The following ADARB2 variants were observed in gnomAD, a reference collection of about 807,000 sequenced individuals.
ADARB2 encodes inactive double-stranded RNA-specific editase B2.
ADARB2 carries 25 observed loss-of-function variants against 62.2 expected under a neutral mutation model. That is an observed-to-expected ratio of 0.40 (90% confidence interval 0.29 to 0.56). The LOEUF is 0.56. ADARB2 is among the 20% of genes least tolerant of loss of function. The probability of loss-of-function intolerance (pLI) is 0.43; values close to 1 mark genes in which losing one functional copy is unlikely to be tolerated. For synonymous variants in ADARB2, 572 were observed against 500.8 expected (o/e 1.14, Z -1.90); for missense variants, 1,071 against 1,077.4 (o/e 0.99, Z 0.08).
chr10:1,219,220 C>T (rs540411612), intron 6 of ADARB2, among the ~76,000 whole-genome samples: 71 of 152,254 alleles, frequency 4.7e-4, no homozygotes, highest in African/African-American at 1.4e-3. Flanking sequence ...GCCAATTAAA[C>T]CTCTTTTCTT....
At chr10:1,185,234 G>A (rs780928569) in intron 8 of ADARB2, among the ~76,000 whole-genome samples, 195 bp from the exon 9 acceptor site, 2 of 152,242 alleles carry the variant, frequency 1.3e-5, no homozygotes, top group Non-Finnish European at 2.9e-5. Context: ...TGGCCGCCTC[G>A]GGTCCACGGC....
At chr10:1,234,724 G>A (rs562235115) in intron 5 of ADARB2, among the ~76,000 whole-genome samples, 2 of 148,930 alleles carry the variant, frequency 1.3e-5, no homozygotes, top group African/African-American at 2.5e-5. Context: ...TTACAGGTGC[G>A]AGCGACCATG....
chr10:1,441,781 A>C (rs1379660855), intron 1 of ADARB2, among the ~76,000 whole-genome samples: 1 of 152,236 alleles, frequency 6.6e-6, no homozygotes, highest in Non-Finnish European at 1.5e-5. Context: ...GACATTGATA[A>C]TAGGATATTC....
chr10:1,408,292 A>G (rs768341135), intron 1 of ADARB2, among the ~76,000 whole-genome samples: 3 of 152,230 alleles, frequency 2.0e-5, no homozygotes, highest in Admixed American at 6.5e-5. Context: ...ATCCCACAGC[A>G]TGGTCGACCA....
chr10:1,439,942 C>A (rs1255962492), intron 1 of ADARB2, among the ~76,000 whole-genome samples: 2 of 150,356 alleles, frequency 1.3e-5, no homozygotes, highest in Admixed American at 6.6e-5. Flanking sequence ...CACTATGGGG[C>A]TCCTGAGTCT....
At chr10:1,631,753 C>G (rs773266460) in intron 1 of ADARB2, among the ~76,000 whole-genome samples, 2 of 151,918 alleles carry the variant, frequency 1.3e-5, no homozygotes, top group Non-Finnish European at 2.9e-5. Context: ...AAATGTGGCT[C>G]GGTTCACAGT....
chr10:1,284,319 G>A (rs1564246118), intron 3 of ADARB2, among the ~76,000 whole-genome samples: 1 of 152,138 alleles, frequency 6.6e-6, no homozygotes, highest in Non-Finnish European at 1.5e-5. Context: ...TCCAGGGCCT[G>A]GCACCGAGGG....
intron 1 of ADARB2, among the ~76,000 whole-genome samples, chr10:1,719,471 C>T (rs1835060775): frequency 6.6e-6 from 1 of 152,192 alleles, no homozygotes. Context: ...TCCCTAGCTC[C>T]ATTGAATCAG....
At position 1,426,308 on chromosome 10, in the gene ADARB2, G is replaced by A. The variant is rs376347832; in HGVS notation, c.101-47148C>T. On this transcript the variant is annotated intron_variant, in intron 1 of 9. Transcript: ENST00000381312. The surrounding 1 kb of genome is among the most constrained non-coding windows in gnomAD (Gnocchi z 4.1). ...CTCTGAAATGTACAGTTCTGTTGTC[G>A]TCACTGTGTATAAACAGAACAAGGA... 2.0e-5 allele frequency among the ~76,000 whole-genome samples: 3 copies of A among 152,104 alleles called. No individual in the cohort carries two copies. In the South Asian group the frequency reaches 6.2e-4, roughly 32 times the overall value.
At chr10:1,579,402 T>C (rs998852625) in intron 1 of ADARB2, among the ~76,000 whole-genome samples, 1 of 152,208 alleles carries the variant, frequency 6.6e-6, no homozygotes, top group Admixed American at 6.5e-5. Context: ...AATTATAGTA[T>C]GCACATAACA....
At chr10:1,646,693 T>G (rs892299558) in intron 1 of ADARB2, among the ~76,000 whole-genome samples, 1 of 152,224 alleles carries the variant, frequency 6.6e-6, no homozygotes, top group African/African-American at 2.4e-5. Flanking sequence ...TCTCTGCTCT[T>G]CACCATTTTG....
At chr10:1,598,278 C>T (rs1451799512) in intron 1 of ADARB2, among the ~76,000 whole-genome samples, 2 of 151,020 alleles carry the variant, frequency 1.3e-5, no homozygotes, top group Non-Finnish European at 3.0e-5. Context: ...GTGCCCTGCT[C>T]ACAATTCCAG....
intron 1 of ADARB2, among the ~76,000 whole-genome samples, chr10:1,387,053 C>T (rs193287857): frequency 6.6e-6 from 1 of 151,920 alleles, no homozygotes; most frequent in East Asian, 1.9e-4. Context: ...AAAATTAAAG[C>T]CTCTTTATTC....
At chr10:1,232,130 A>C (rs926527161) in intron 6 of ADARB2, among the ~76,000 whole-genome samples, 1 of 152,082 alleles carries the variant, frequency 6.6e-6, no homozygotes, top group African/African-American at 2.4e-5. Context: ...TCCTCATCAT[A>C]CACATATCAC....
chr10:1,717,801 C>T (rs913701008), intron 1 of ADARB2, among the ~76,000 whole-genome samples: 3 of 152,062 alleles, frequency 2.0e-5, no homozygotes, highest in Non-Finnish European at 4.4e-5. Flanking sequence ...TGGTCTTGAA[C>T]TCTTGACCTC....
At chr10:1,521,620 G>A (rs1352048278) in intron 1 of ADARB2, among the ~76,000 whole-genome samples, 2 of 152,172 alleles carry the variant, frequency 1.3e-5, no homozygotes, top group African/African-American at 4.8e-5. Flanking sequence ...CTGCTACCTG[G>A]AGGCTTCATC....
At chr10:1,199,825 T>A in intron 8 of ADARB2, 141 bp downstream of exon 8, 2 of 882,484 alleles carry the variant, frequency 2.3e-6, no homozygotes, top group Non-Finnish European at 3.3e-6. Flanking sequence ...CTTTTTAAAA[T>A]CGTAGGACTT....
chr10:1,253,175 C>T (rs1303615841), intron 4 of ADARB2, among the ~76,000 whole-genome samples: 1 of 152,154 alleles, frequency 6.6e-6, no homozygotes, highest in Non-Finnish European at 1.5e-5. Context: ...TGATACACAG[C>T]AAAAATGCCG....
intron 1 of ADARB2, among the ~76,000 whole-genome samples, chr10:1,449,192 C>G (rs566919437): frequency 6.6e-6 from 1 of 152,308 alleles, no homozygotes; most frequent in Admixed American, 6.5e-5. Flanking sequence ...GTCAGCCCCA[C>G]ATGCTATTAT....
Sources: allele counts gnomAD v4.1 joint callset (sites outside exome capture counted in the v4.1 genomes callset), GRCh38; gene constraint gnomAD v4.1.1; non-coding constraint Gnocchi (gnomAD v3.1); transcripts MANE v1.5; gene names NCBI Gene and HGNC (gene_info 2026-07-23, HGNC 2026-07-21).